ZNRF3: variants seen among roughly 807,000 people sequenced by gnomAD.
ZNRF3 encodes the protein zinc and ring finger 3, also known as E3 ubiquitin-protein ligase ZNRF3.
In ZNRF3, 23 loss-of-function variants were observed where a neutral mutation model predicts 72.5. The observed-to-expected ratio is 0.32, with a 90% CI of 0.23 to 0.45. The LOEUF is 0.45. Among genes scored for constraint, ZNRF3 ranks in the 20% least tolerant of loss-of-function variants. The pLI is 1.00. For missense variants in ZNRF3, 1,169 were observed against 1,272.1 expected (o/e 0.92, Z 1.23); for synonymous variants, 610 against 545.3 (o/e 1.12, Z -1.65).
At chr22:28,895,854 T>G (rs1440381281) in intron 1 of ZNRF3, among the ~76,000 whole-genome samples, 1 of 152,224 alleles carries the variant, frequency 6.6e-6, no homozygotes, top group Non-Finnish European at 1.5e-5. Flanking sequence ...TCCATGTGCC[T>G]GTTGCTTTAG....
intron 1 of ZNRF3, among the ~76,000 whole-genome samples, chr22:28,937,205 ATATATATATATTT>A (rs1261635257): frequency 1.2e-3 from 5 of 4,050 alleles, no homozygotes; most frequent in Admixed American, 3.9e-3. Flanking sequence ...ATATATATAT[ATATATATATATTT>A]TTTTTTTTTT....
Position 29,042,382 on chromosome 22 carries a change from C to T in ZNRF3, c.427-113C>T, listed in dbSNP as rs2036979893. ...AGTGAAGTAACATCCCTGAAGTCACCTAAGTTGGTAACTGTCAGATTCTGC... is the reference window on the plus strand; with the variant it reads ...AGTGAAGTAACATCCCTGAAGTCACTTAAGTTGGTAACTGTCAGATTCTGC... On this transcript the variant is annotated intron_variant, in intron 2 of 8. Coordinates refer to ENST00000544604, the MANE Select transcript of ZNRF3 (RefSeq NM_001206998.2). 5.1e-6 allele frequency: 4 copies of T among 788,928 alleles called. No homozygotes were observed. The East Asian group carries it at 8.0e-5, about 16-fold the overall frequency. 48.9% of individuals were successfully genotyped at this position (788,928 alleles called of 1,614,324 possible).
chr22:29,034,207 C>T (rs142056440), intron 2 of ZNRF3, among the ~76,000 whole-genome samples: 4 of 152,312 alleles, frequency 2.6e-5, no homozygotes, highest in Non-Finnish European at 4.4e-5. Flanking sequence ...TCCAGAAGGT[C>T]CTGGATTGTG....
intron 2 of ZNRF3, among the ~76,000 whole-genome samples, chr22:29,029,093 T>C (rs1215635188): frequency 1.3e-5 from 2 of 152,192 alleles, no homozygotes; most frequent in African/African-American, 4.8e-5. Context: ...TTCACCTGCC[T>C]GTGTACAACC....
At chr22:29,040,186 CTT>C (rs955618996) in intron 2 of ZNRF3, among the ~76,000 whole-genome samples, 3 of 145,790 alleles carry the variant, frequency 2.1e-5, no homozygotes, top group Admixed American at 6.8e-5. Context: ...CCCCCTCCCC[CTT>C]TTTTTTTTTG....
intron 1 of ZNRF3, among the ~76,000 whole-genome samples, chr22:28,911,702 T>C (rs2034321466): frequency 1.3e-5 from 2 of 151,584 alleles, no homozygotes; most frequent in African/African-American, 4.8e-5. Context: ...TTTTTTTTTA[T>C]ATATCATGAG....
chr22:29,029,549 G>A (rs749200369), intron 2 of ZNRF3, among the ~76,000 whole-genome samples: 2 of 152,306 alleles, frequency 1.3e-5, no homozygotes, highest in South Asian at 2.1e-4. Flanking sequence ...GCCAGAGGCC[G>A]TGTGCAATTT....
chr22:28,929,229 T>C (rs1346903908), intron 1 of ZNRF3, among the ~76,000 whole-genome samples: 1 of 152,252 alleles, frequency 6.6e-6, no homozygotes, highest in Non-Finnish European at 1.5e-5. Flanking sequence ...CTTTTGTTTG[T>C]TCAAAAGCTG....
At chr22:28,898,537 TAAATATGTA>T (rs571267590) in intron 1 of ZNRF3, among the ~76,000 whole-genome samples, 124 of 152,356 alleles carry the variant, frequency 8.1e-4, no homozygotes, top group African/African-American at 2.7e-3. Flanking sequence ...GTGTTTTATT[TAAATATGTA>T]AAATATAATA....
chr22:28,940,489 G>T (rs1421369560), intron 1 of ZNRF3, among the ~76,000 whole-genome samples: 1 of 135,272 alleles, frequency 7.4e-6, no homozygotes, highest in Non-Finnish European at 1.6e-5. Flanking sequence ...GCCACACTAG[G>T]TTTCTGCTTT....
At chr22:29,043,175 A>G in intron 3 of ZNRF3, 124 bp from the exon 4 acceptor site, 1 of 1,112,342 alleles carries the variant, frequency 9.0e-7, no homozygotes, top group Non-Finnish European at 1.2e-6. Context: ...CCAAGGCTGT[A>G]ATGTTGGAAG....
rs934120882 is a variant in ZNRF3 at position 29,033,097 on chromosome 22, C to T, written c.427-9398C>T. On this transcript the variant is annotated intron_variant, in intron 2 of 8. Transcript: ENST00000544604. Reference sequence around the variant, plus strand: ...GGGTGTGGTGGCTCAGGCCTGTAATCCCAGCACTTTGGGAGGCCAAGGAGG... The same window carrying T: ...GGGTGTGGTGGCTCAGGCCTGTAATTCCAGCACTTTGGGAGGCCAAGGAGG... 5.9e-5 allele frequency among the ~76,000 whole-genome samples: 9 copies of T among 151,564 alleles called. No individual in the cohort carries two copies. In the East Asian group the frequency reaches 1.5e-3, roughly 26 times the overall value.
intron 1 of ZNRF3, among the ~76,000 whole-genome samples, chr22:28,909,636 G>A (rs1263681506): frequency 1.3e-5 from 2 of 152,032 alleles, no homozygotes; most frequent in South Asian, 2.1e-4. Context: ...GCTGGAGTGC[G>A]GGGGCGTGAT....
rs987439609 is a variant in ZNRF3, at chr22:29,053,341, C to T, written c.2768-238C>T. ...CAGTTAACATCTTTAATATATTGGG[C>T]TTTCGTGCTACCTGAGGGCTTCTAG... On this transcript the variant is annotated intron_variant, in intron 8 of 8. Transcript: ENST00000544604. Among the ~76,000 whole-genome samples the T allele has an allele frequency of 2.6e-5, 4 of 152,362 alleles. No individual in the cohort carries two copies. The East Asian group carries it at 7.7e-4, about 29-fold the overall frequency.
In ZNRF3 at chr22:29,050,380, G is replaced by C; in HGVS notation, c.2199G>C (p.Leu733Phe). ...PSAGAAGSST[L>F]FLGPHLYEGS... ...CCGGAGCAGCTGGCAGCAGCACCTT[G>C]TTCCTGGGGCCCCACCTCTACGAGG... The change falls in exon 8 of 9, where the codon TTG (leucine) becomes TTC (phenylalanine). Residue 733 changes from leucine to phenylalanine, a missense_variant. By Grantham distance (22) the Leu-to-Phe change is conservative. Coordinates refer to ENST00000544604, the MANE Select transcript of ZNRF3 (RefSeq NM_001206998.2). 6.2e-7 allele frequency: 1 copy of C among 1,604,314 alleles called. No individual in the cohort carries two copies. The highest frequency in any genetic ancestry group is 8.5e-7 in the Non-Finnish European group (1 of 1,174,722).
In ZNRF3 at chr22:29,020,773, G is replaced by T. The variant is rs536201484; in HGVS notation, c.427-21722G>T. Among the ~76,000 whole-genome samples, 160 of 65,162 alleles carry T rather than the reference G, an allele frequency of 2.5e-3. 2 individuals are homozygous for T. The South Asian group carries it at 0.049, about 20-fold the overall frequency. The allele number at this position is 65,162 out of a possible 152,430, so 42.7% of individuals were successfully genotyped here. A position where few individuals can be genotyped will look rare whatever the true frequency, so the allele number is the denominator to read the frequency against. On this transcript the variant is annotated intron_variant, in intron 2 of 8. Coordinates refer to ENST00000544604, the MANE Select transcript of ZNRF3 (RefSeq NM_001206998.2). ...AGAGGGGCTTTGTTTTTGTGTGTGT[G>T]TGGGTGTGTGTGTGTGTGTGTGTGT...
At chr22:28,931,980 G>A (rs2034716103) in intron 1 of ZNRF3, among the ~76,000 whole-genome samples, 1 of 152,230 alleles carries the variant, frequency 6.6e-6, no homozygotes, top group African/African-American at 2.4e-5. Flanking sequence ...GCTCAGTGAT[G>A]CATCACTGTA....
chr22:29,010,097 G>A lies in ZNRF3; in HGVS notation c.426+22896G>A, dbSNP rs146687282. The stretch of plus-strand genomic sequence containing the variant: ...AATTTTTTTTTGTATTTTTAGTAGA[G>A]ATGGGGTTTCACCGTGTCTGCCAGG... On this transcript the variant is annotated intron_variant, in intron 2 of 8. Transcript: ENST00000544604. 4.7e-3 allele frequency among the ~76,000 whole-genome samples: 717 copies of A among 151,970 alleles called. 9 individuals carry two copies. The highest frequency in any genetic ancestry group is 7.9e-3 in the South Asian group (38 of 4,814).
At chr22:28,965,851 G>A (rs372119487) in intron 1 of ZNRF3, among the ~76,000 whole-genome samples, 6 of 152,218 alleles carry the variant, frequency 3.9e-5, no homozygotes, top group African/African-American at 1.2e-4. Flanking sequence ...ATGCTGGACA[G>A]AATAAGCTAG....
Sources: gnomAD v4.1 joint callset for allele counts (sites outside exome capture counted in the v4.1 genomes callset) on GRCh38, gnomAD v4.1.1 for gene constraint, MANE v1.5 for transcripts, NCBI Gene and HGNC (gene_info 2026-07-23, HGNC 2026-07-21) for gene names.